Variants in ODAD1 observed in about 807,000 individuals in gnomAD.
ODAD1 encodes the protein outer dynein arm docking complex subunit 1.
ODAD1 carries 49 observed loss-of-function variants against 67.2 expected under a neutral mutation model. The observed-to-expected ratio is 0.73, with a 90% CI of 0.58 to 0.92. The LOEUF is 0.92. Among genes scored for constraint, ODAD1 ranks in the 40% least tolerant of loss-of-function variants. The pLI is 0.00. For synonymous variants in ODAD1, 345 were observed against 393.7 expected, an observed-to-expected ratio of 0.88 and a Z score of 1.46; for missense variants, 897 against 953.7, an observed-to-expected ratio of 0.94 and a Z score of 0.78.
intron 8 of ODAD1, among the ~76,000 whole-genome samples, chr19:48,305,969 G>A (rs1280091357): frequency 6.6e-6 from 1 of 151,974 alleles, no homozygotes; most frequent in East Asian, 1.9e-4. Context: ...TGAGGCAGGA[G>A]AATTGTTTGA....
Position 48,320,296 on chromosome 19 carries a change from T to G in ODAD1, c.70+3A>C. ...TGAATGATATAAAGAATGAATGAAT[T>G]ACCCATTCCCTCCAGAAATGCCTCG... is the stretch of plus-strand genomic sequence containing the variant. On this transcript the variant is annotated splice_donor_region_variant and intron_variant, in intron 3 of 15. Transcript: ENST00000674294. 1 of 1,277,766 alleles carries G rather than the reference T, an allele frequency of 7.8e-7. No homozygotes were observed. The highest frequency in any genetic ancestry group is 1.2e-5 in the South Asian group (1 of 80,720). The allele number at this position is 1,277,766 out of a possible 1,614,324, so 79.2% of individuals were successfully genotyped here. A position where few individuals can be genotyped will look rare whatever the true frequency, so the allele number is the denominator to read the frequency against.
At position 48,296,884 on chromosome 19, in the gene ODAD1, A is replaced by G. The variant is rs1266100751; in HGVS notation, c.*92T>C. 1.2e-5 allele frequency: 17 copies of G among 1,443,600 alleles called. No individual in the cohort carries two copies. In the East Asian group the frequency reaches 1.5e-4, roughly 13 times the overall value. 89.4% of individuals were successfully genotyped at this position (1,443,600 alleles called of 1,614,324 possible). ...AGAGGCCTGCCACTGGGAGAAAAAG[A>G]CAGAGACCCACAAGGCAAACAGGGG... is the stretch of plus-strand genomic sequence containing the variant. On this transcript the variant is annotated 3_prime_UTR_variant, in exon 16 of 16. Transcript: ENST00000674294.
intron 2 of ODAD1, 49 bp from the exon 3 acceptor site, chr19:48,320,440 C>A: frequency 9.2e-7 from 1 of 1,087,168 alleles, no homozygotes; most frequent in Non-Finnish European, 1.2e-6. Context: ...CGGGCCAGGG[C>A]CCAGAGAGGG....
intron 9 of ODAD1, 47 bp downstream of exon 9, chr19:48,303,905 AG>A (rs1394659698): frequency 1.3e-6 from 2 of 1,596,032 alleles, no homozygotes; most frequent in African/African-American, 2.7e-5. Flanking sequence ...CAGGTGCCCC[AG>A]GGGCGGCCAG....
rs763841580 is a variant in ODAD1, at chr19:48,303,990, C to A, written c.816G>T (p.Gln272His). ...HFLKLKNNDR[Q>H]PDPDVLEKRE... The stretch of plus-strand genomic sequence containing the variant: ...GCTTCTCCAGGACATCGGGATCCGG[C>A]TGCCGGTCGTTGTTCTTGAGCTTGA... The change falls in exon 9 of 16, where the codon CAG (glutamine) becomes CAT (histidine). Residue 272 changes from glutamine (Q) to histidine (H), a missense_variant. Transcript: ENST00000674294. 8.1e-6 allele frequency: 13 copies of A among 1,614,116 alleles called. No homozygotes were observed. In the Admixed American group the frequency reaches 2.0e-4, roughly 25 times the overall value.
rs180729392 is a variant in ODAD1, at chr19:48,318,295, T to C, written c.360+92A>G. The C allele has an allele frequency of 3.2e-5, 37 of 1,142,778 alleles. No homozygotes were observed. The East Asian group carries it at 3.6e-4, about 11-fold the overall frequency. The allele number at this position is 1,142,778 out of a possible 1,614,324, so 70.8% of individuals were successfully genotyped here. ...GCATGAGCCACTGTGCCCGGCCTAATAGCCCCAATTTCACATGAGGAAGCT... is the reference window on the plus strand; with the variant it reads ...GCATGAGCCACTGTGCCCGGCCTAACAGCCCCAATTTCACATGAGGAAGCT... On this transcript the variant is annotated intron_variant, in intron 5 of 15. Coordinates refer to ENST00000674294, the MANE Select transcript of ODAD1 (RefSeq NM_001364171.2).
In ODAD1 at chr19:48,303,968, T is replaced by C. The variant is rs1029658127; in HGVS notation, c.838A>G (p.Lys280Glu). The change falls in exon 9 of 16, where the codon AAG becomes GAG. Residue 280 changes from lysine to glutamate, a missense_variant. Coordinates refer to ENST00000674294, the MANE Select transcript of ODAD1 (RefSeq NM_001364171.2). ...CCAGCCTCACCCTGCTTTTCACGCT[T>C]CTCCAGGACATCGGGATCCGGCTGC... Reference protein sequence around the residue: ...DRQPDPDVLEKREKQAGEVAE... With the variant: ...DRQPDPDVLEEREKQAGEVAE... 1.2e-6 allele frequency: 2 copies of C among 1,614,008 alleles called. No homozygotes were observed. Among genetic ancestry groups the C allele is most frequent in the Non-Finnish European group, 1.7e-6 (2 of 1,179,910 alleles).
chr19:48,314,205 A>G (rs1156584028), intron 5 of ODAD1, among the ~76,000 whole-genome samples: 1 of 152,138 alleles, frequency 6.6e-6, no homozygotes, highest in Non-Finnish European at 1.5e-5. Flanking sequence ...AGATTGGGTG[A>G]CATGTCTACA....
chr19:48,302,067 C>G (rs1413068735), intron 12 of ODAD1, among the ~76,000 whole-genome samples: 1 of 136,102 alleles, frequency 7.3e-6, no homozygotes, highest in African/African-American at 2.8e-5. Context: ...AGGAATAGAC[C>G]CTGGATGGAT....
chr19:48,318,933 A>T, intron 3 of ODAD1, 121 bp from the exon 4 acceptor site: 1 of 645,712 alleles, frequency 1.5e-6, no homozygotes. Context: ...CTGCAGATCC[A>T]GCCCCCAACA....
At chr19:48,318,152 T>C (rs1968949336) in intron 5 of ODAD1, among the ~76,000 whole-genome samples, 1 of 151,914 alleles carries the variant, frequency 6.6e-6, no homozygotes, top group African/African-American at 2.4e-5. Flanking sequence ...CCACCATGCC[T>C]GGCTAATTTT....
chr19:48,318,004 C>T (rs527905389), intron 5 of ODAD1, among the ~76,000 whole-genome samples: 5 of 151,944 alleles, frequency 3.3e-5, no homozygotes, highest in African/African-American at 4.8e-5. Flanking sequence ...ACCTGGGAGG[C>T]GAAGCTTGCA....
chr19:48,304,166 T>C, intron 8 of ODAD1, 26 bp from the exon 9 acceptor site: 2 of 1,580,560 alleles, frequency 1.3e-6, no homozygotes, highest in Non-Finnish European at 1.7e-6. Flanking sequence ...GGGGTCAGGA[T>C]GACTGGAGGC....
Position 48,303,632 on chromosome 19 carries a change from A to C in ODAD1, c.988+18T>G, listed in dbSNP as rs753174748. ...CCGGGGTCCCGGGCCTCCTCCCTCCACCCAGGGCCCCACTCACTCTCCAGA... is the reference window on the plus strand; with the variant it reads ...CCGGGGTCCCGGGCCTCCTCCCTCCCCCCAGGGCCCCACTCACTCTCCAGA... On this transcript the variant is annotated intron_variant, in intron 10 of 15. Transcript: ENST00000674294. 6.2e-7 allele frequency: 1 copy of C among 1,613,682 alleles called. No individual in the cohort carries two copies. Among genetic ancestry groups the C allele is most frequent in the Admixed American group, 1.7e-5 (1 of 59,962 alleles).
At chr19:48,310,739 TG>T (rs1363467669) in intron 7 of ODAD1, among the ~76,000 whole-genome samples, 3 of 152,214 alleles carry the variant, frequency 2.0e-5, no homozygotes, top group African/African-American at 7.2e-5. Context: ...AGGAGTTCTT[TG>T]TATAATTCTT....
At chr19:48,300,157 T>C (rs924728077) in intron 12 of ODAD1, among the ~76,000 whole-genome samples, 2 of 151,912 alleles carry the variant, frequency 1.3e-5, no homozygotes, top group Admixed American at 6.6e-5. Context: ...AATACCAAAA[T>C]TAGTTGGGCG....
rs779854692 is a variant in ODAD1, at chr19:48,297,314, G to A, written c.1786C>T (p.His596Tyr). ...KTSRDRGSLG[H>Y]VTFGGLSSST... is the part of the protein sequence containing the mutation. Reference sequence around the variant, plus strand: ...GAGCTGAGGCCGCCAAAAGTGACGTGGCCAAGAGAGCCACGGTCTCTGCTA... The same window carrying A: ...GAGCTGAGGCCGCCAAAAGTGACGTAGCCAAGAGAGCCACGGTCTCTGCTA... Residue 596 changes from histidine (H) to tyrosine (Y), a missense_variant, in exon 16 of 16, where the codon CAC (histidine) becomes TAC (tyrosine). Transcript: ENST00000674294. 108 of 1,613,474 alleles carry A rather than the reference G, an allele frequency of 6.7e-5. No individual in the cohort carries two copies. The highest frequency in any genetic ancestry group is 8.0e-5 in the Non-Finnish European group (94 of 1,180,020).
At chr19:48,300,056 C>G (rs114494384) in intron 12 of ODAD1, among the ~76,000 whole-genome samples, 3 of 151,604 alleles carry the variant, frequency 2.0e-5, no homozygotes, top group South Asian at 2.1e-4. Context: ...TATGTAATCC[C>G]AGCACTTTGG....
rs1968313678 is a variant in ODAD1 at position 48,297,202 on chromosome 19, C to T, written c.1898G>A (p.Gly633Glu). 6.2e-7 allele frequency: 1 copy of T among 1,614,106 alleles called. No individual in the cohort carries two copies. The highest frequency in any genetic ancestry group is 8.5e-7 in the Non-Finnish European group (1 of 1,180,006). ...GACGGGTCTGAAGGTCACGTGGCCC[C>T]CACTCGAGGCACTGGTGGAGCCGAA... Reference protein sequence around the residue: ...VTFGSTSASSGGHVTFRPVSA... With the variant: ...VTFGSTSASSEGHVTFRPVSA... The change falls in exon 16 of 16, where the codon GGG becomes GAG. Residue 633 changes from glycine (G) to glutamate (E), a missense_variant. Physicochemically the swap from Gly to Glu is moderately conservative, Grantham distance 98. Transcript: ENST00000674294.
Sources: allele counts gnomAD v4.1 joint callset (sites outside exome capture counted in the v4.1 genomes callset), GRCh38; gene constraint gnomAD v4.1.1; transcripts MANE v1.5; gene names NCBI Gene and HGNC (gene_info 2026-07-23, HGNC 2026-07-21).